The following SNCAIP variants were observed in gnomAD, a reference collection of about 807,000 sequenced individuals.
SNCAIP encodes synphilin-1.
Under a neutral mutation model 86.7 loss-of-function variants are expected in SNCAIP, and 43 were observed. The observed-to-expected ratio is 0.50, with a 90% CI of 0.39 to 0.64. The LOEUF (loss-of-function observed/expected upper bound fraction) is 0.64. SNCAIP is among the 30% of genes least tolerant of loss of function. SNCAIP has a pLI of 0.00. For synonymous variants in SNCAIP, 417 were observed against 427.2 expected (o/e 0.98, Z 0.29); for missense variants, 981 against 1,103.1 (o/e 0.89, Z 1.57).
chr5:122,441,349 G>C (rs1220147779), intron 7 of SNCAIP: 3 of 154,858 alleles, frequency 1.9e-5, no homozygotes, highest in Non-Finnish European at 4.3e-5. Context: ...CCAGGGCCTT[G>C]ATTGCCCAAC....
intron 6 of SNCAIP, among the ~76,000 whole-genome samples, chr5:122,433,849 T>A (rs141642938): frequency 6.6e-6 from 1 of 152,300 alleles, no homozygotes; most frequent in East Asian, 1.9e-4. Flanking sequence ...AAACCATACA[T>A]CAAGTTTGAA....
Position 122,358,201 on chromosome 5 carries a change from GTGTATA to G in SNCAIP, c.-46-32886_-46-32881del, listed in dbSNP as rs1402371528. On this transcript the variant is annotated intron_variant, in intron 1 of 10. Coordinates refer to ENST00000261368, the MANE Select transcript of SNCAIP (RefSeq NM_005460.4). ...TGTGTGTGTGTGTGTGTGTGTGTGT[GTGTATA>G]TATATATATATAAAATACTTTAAGT... Among the ~76,000 whole-genome samples, 685 of 128,626 alleles carry G rather than the reference GTGTATA, an allele frequency of 5.3e-3. 2 individuals are homozygous for G. The highest frequency in any genetic ancestry group is 8.0e-3 in the Non-Finnish European group (483 of 60,334). The allele number at this position is 128,626 out of a possible 152,430, so 84.4% of individuals were successfully genotyped here.
At chr5:122,443,445 C>T in intron 7 of SNCAIP, 1 of 301,944 alleles carries the variant, frequency 3.3e-6, no homozygotes, top group Non-Finnish European at 6.7e-6. Context: ...TCTCTCTCTC[C>T]ACAACTAATG....
At chr5:122,433,878 C>T (rs1390485001) in intron 6 of SNCAIP, among the ~76,000 whole-genome samples, 4 of 152,146 alleles carry the variant, frequency 2.6e-5, no homozygotes, top group Admixed American at 1.3e-4. Context: ...ATTTCCTAGG[C>T]TAGTGATATA....
Position 122,425,520 on chromosome 5 carries a change from C to T in SNCAIP, c.1171C>T (p.Leu391=). The change falls in exon 5 of 11, where the codon CTG becomes TTG. Residue 391 remains leucine (L), a synonymous_variant. Coordinates refer to ENST00000261368, the MANE Select transcript of SNCAIP (RefSeq NM_005460.4). ...RNTEKLTPAG[L]AIKNGQLECV... ...CACTGAGAAGTTGACTCCAGCAGGC[C>T]TGGCCATTAAGGTGACTGGTTGGGG... The T allele has an allele frequency of 6.2e-7, 1 of 1,613,934 alleles. No homozygotes were observed. The highest frequency in any genetic ancestry group is 8.5e-7 in the Non-Finnish European group (1 of 1,179,884).
intron 1 of SNCAIP, among the ~76,000 whole-genome samples, chr5:122,331,584 C>T (rs1303166217): frequency 6.6e-6 from 1 of 152,170 alleles, no homozygotes; most frequent in African/African-American, 2.4e-5. Flanking sequence ...AATTATTTCT[C>T]ACATTTGTTA....
chr5:122,372,416 A>G (rs1764463746), intron 1 of SNCAIP, among the ~76,000 whole-genome samples: 1 of 152,198 alleles, frequency 6.6e-6, no homozygotes, highest in East Asian at 1.9e-4. Flanking sequence ...CCACTCCATT[A>G]CACCACTGGG....
At chr5:122,460,765 A>G (rs1299843663) in intron 10 of SNCAIP, among the ~76,000 whole-genome samples, 1 of 152,182 alleles carries the variant, frequency 6.6e-6, no homozygotes, top group Non-Finnish European at 1.5e-5. Flanking sequence ...TTAATTTACA[A>G]TGCGTTTCTA....
intron 1 of SNCAIP, chr5:122,370,016 C>T (rs1443012687): frequency 2.6e-5 from 4 of 152,064 alleles, no homozygotes; most frequent in African/African-American, 9.7e-5. Context: ...TTTCTGTGAA[C>T]TGGAGATTAA....
chr5:122,374,438 C>G (rs1463088320), intron 1 of SNCAIP, among the ~76,000 whole-genome samples: 1 of 152,088 alleles, frequency 6.6e-6, no homozygotes. Context: ...GAGGAAAAAC[C>G]CACACCACAG....
intron 3 of SNCAIP, among the ~76,000 whole-genome samples, chr5:122,419,651 A>T (rs1330129815): frequency 6.6e-6 from 1 of 152,216 alleles, no homozygotes; most frequent in Admixed American, 6.5e-5. Flanking sequence ...ACTTGTACAA[A>T]TCTAAAATAG....
At chr5:122,454,339 TA>T (rs1277324784) in intron 10 of SNCAIP, 1 of 152,678 alleles carries the variant, frequency 6.5e-6, no homozygotes, top group African/African-American at 2.4e-5. Flanking sequence ...GGGATGCCCC[TA>T]GGGGGCTCAT....
chr5:122,383,227 G>A (rs557618743), intron 1 of SNCAIP, among the ~76,000 whole-genome samples: 11 of 152,356 alleles, frequency 7.2e-5, no homozygotes, highest in Middle Eastern at 3.4e-3. Context: ...AGCCAGGTGC[G>A]GGATATAATC....
At chr5:122,355,789 A>G (rs906570263) in intron 1 of SNCAIP, among the ~76,000 whole-genome samples, 2 of 152,132 alleles carry the variant, frequency 1.3e-5, no homozygotes, top group African/African-American at 4.8e-5. Flanking sequence ...ATTTAAGTTA[A>G]ATGTGTACAT....
intron 1 of SNCAIP, among the ~76,000 whole-genome samples, chr5:122,327,825 A>C (rs922253657): frequency 6.6e-6 from 1 of 152,134 alleles, no homozygotes; most frequent in African/African-American, 2.4e-5. Flanking sequence ...TCTGGTGGAG[A>C]AGAAACATTT....
intron 1 of SNCAIP, among the ~76,000 whole-genome samples, chr5:122,372,212 TATTCTA>T (rs1363513258): frequency 6.6e-6 from 1 of 152,206 alleles, no homozygotes; most frequent in African/African-American, 2.4e-5. Flanking sequence ...GCTAATTTCT[TATTCTA>T]ATCTGTATTT....
chr5:122,340,688 A>G (rs1757389337), intron 1 of SNCAIP, among the ~76,000 whole-genome samples: 1 of 152,198 alleles, frequency 6.6e-6, no homozygotes, highest in South Asian at 2.1e-4. Context: ...ATTTCTCATT[A>G]CTTTGTCCTA....
At chr5:122,339,968 C>T (rs1437686936) in intron 1 of SNCAIP, among the ~76,000 whole-genome samples, 1 of 152,138 alleles carries the variant, frequency 6.6e-6, no homozygotes, top group Non-Finnish European at 1.5e-5. Context: ...TCAGGCTCAA[C>T]TCAGCTTGAA....
intron 10 of SNCAIP, among the ~76,000 whole-genome samples, chr5:122,456,814 T>A (rs1368507735): frequency 6.6e-6 from 1 of 152,240 alleles, no homozygotes; most frequent in Non-Finnish European, 1.5e-5. Context: ...GTGGGTGTTG[T>A]TACCAAACTA....
Sources: allele counts gnomAD v4.1 joint callset (sites outside exome capture counted in the v4.1 genomes callset), GRCh38; gene constraint gnomAD v4.1.1; transcripts MANE v1.5; gene names NCBI Gene and HGNC (gene_info 2026-07-23, HGNC 2026-07-21).